The following ACCSL variants were observed in gnomAD, a reference collection of about 807,000 sequenced individuals.
The protein encoded by ACCSL is 1-aminocyclopropane-1-carboxylate synthase homolog (inactive) like.
A neutral mutation model predicts 61.7 loss-of-function variants in ACCSL; 55 were observed. That is an observed-to-expected ratio of 0.89 (90% CI 0.72 to 1.12). ACCSL has a LOEUF of 1.12. ACCSL is among the 50% of genes most tolerant of loss of function. The pLI is 0.00. For missense variants in ACCSL, 632 were observed against 698.0 expected (o/e 0.91, Z 1.07); for synonymous variants, 258 against 264.3 (o/e 0.98, Z 0.23).
the ACCSL span, among the ~76,000 whole-genome samples, chr11:43,935,261 T>C: frequency 0.97 from 148,317 of 152,244 alleles, 72,331 homozygotes; most frequent in Non-Finnish European, 1. Context: ...CACACACGCA[T>C]ACACACATGT....
At chr11:44,023,349 G>A in the ACCSL span, among the ~76,000 whole-genome samples, 3 of 151,984 alleles carry the variant, frequency 2.0e-5, no homozygotes, top group Non-Finnish European at 2.9e-5. Context: ...CACCACACCC[G>A]ACCTAGATCT....
chr11:44,008,817 A>G, the ACCSL span, among the ~76,000 whole-genome samples: 1 of 152,206 alleles, frequency 6.6e-6, no homozygotes, highest in East Asian at 1.9e-4. Flanking sequence ...TCATCTCCTG[A>G]CAACTCTCAG....
the ACCSL span, chr11:43,924,926 C>G: frequency 6.3e-6 from 1 of 158,260 alleles, no homozygotes; most frequent in African/African-American, 2.4e-5. Flanking sequence ...AGGGGAGCCC[C>G]ACAGAAGTGT....
the ACCSL span, among the ~76,000 whole-genome samples, chr11:43,996,200 G>A: frequency 1.3e-5 from 2 of 152,228 alleles, no homozygotes; most frequent in Non-Finnish European, 2.9e-5. Context: ...CTAGAACTGT[G>A]AGAGGATAAA....
the ACCSL span, among the ~76,000 whole-genome samples, chr11:43,930,873 A>G: frequency 6.6e-6 from 1 of 152,284 alleles, no homozygotes; most frequent in Admixed American, 6.5e-5. Flanking sequence ...ACAATACTGT[A>G]TGTACTGTAT....
chr11:44,042,573 C>T, the ACCSL span, among the ~76,000 whole-genome samples: 1 of 151,870 alleles, frequency 6.6e-6, no homozygotes, highest in Non-Finnish European at 1.5e-5. Flanking sequence ...TTGCCTCAGC[C>T]TCCCAAATGT....
chr11:43,945,392 C>A, the ACCSL span: 1 of 152,318 alleles, frequency 6.6e-6, no homozygotes, highest in Non-Finnish European at 1.5e-5. Flanking sequence ...GGGCGGACTC[C>A]ACATCCTGTG....
the ACCSL span, chr11:43,943,852 G>A: frequency 1.6e-6 from 2 of 1,279,552 alleles, no homozygotes. The surrounding 1 kb of genome is among the most constrained non-coding windows in gnomAD (Gnocchi z 4.8). Context: ...CCTGAAAGGA[G>A]ACAAATAAAG....
chr11:43,975,019 G>A, the ACCSL span, among the ~76,000 whole-genome samples: 1 of 152,218 alleles, frequency 6.6e-6, no homozygotes, highest in Non-Finnish European at 1.5e-5. Flanking sequence ...GGTACCAGGA[G>A]TGGGGTGTTA....
At chr11:43,948,197 G>T in the ACCSL span, among the ~76,000 whole-genome samples, 1 of 152,158 alleles carries the variant, frequency 6.6e-6, no homozygotes, top group African/African-American at 2.4e-5. Flanking sequence ...TAGAGGGAAG[G>T]GCTGCCCATG....
At chr11:43,940,418 C>G in the ACCSL span, among the ~76,000 whole-genome samples, 3 of 151,172 alleles carry the variant, frequency 2.0e-5, no homozygotes, top group Non-Finnish European at 4.4e-5. Context: ...TGCAGTGGCG[C>G]AATCTCGGCT....
Position 44,051,088 on chromosome 11 carries a change from G to A in ACCSL, c.636-247G>A, listed in dbSNP as rs569272590. Reference sequence around the variant, plus strand: ...GATCTCCTGACCTTGTGATCCACCCGCCTTGGCCTCCCAAAGTGCTGGGAT... The same window carrying A: ...GATCTCCTGACCTTGTGATCCACCCACCTTGGCCTCCCAAAGTGCTGGGAT... On this transcript the variant is annotated intron_variant, in intron 3 of 13. Coordinates refer to ENST00000378832, the MANE Select transcript of ACCSL (RefSeq NM_001031854.2). 1.1e-4 allele frequency among the ~76,000 whole-genome samples: 16 copies of A among 152,206 alleles called. No individual in the cohort carries two copies. The East Asian group carries it at 1.7e-3, about 17-fold the overall frequency.
At chr11:44,049,263 T>C (rs1364221244) in intron 1 of ACCSL, among the ~76,000 whole-genome samples, 1 of 151,238 alleles carries the variant, frequency 6.6e-6, no homozygotes. Context: ...CTACAAAAAA[T>C]ACAAAAACTA....
At chr11:43,991,615 GA>G in the ACCSL span, among the ~76,000 whole-genome samples, 1 of 152,128 alleles carries the variant, frequency 6.6e-6, no homozygotes, top group Non-Finnish European at 1.5e-5. Flanking sequence ...CCAACATGGC[GA>G]AACCCCATCT....
At chr11:43,986,956 A>G in the ACCSL span, among the ~76,000 whole-genome samples, 22,568 of 152,160 alleles carry the variant, frequency 0.15, 1,744 homozygotes, top group African/African-American at 0.19. Flanking sequence ...CCTTAGAAAG[A>G]GCCAGAGACA....
the ACCSL span, among the ~76,000 whole-genome samples, chr11:43,975,853 C>T: frequency 6.6e-6 from 1 of 152,192 alleles, no homozygotes; most frequent in African/African-American, 2.4e-5. Context: ...TGGAGAATCA[C>T]TTCTTGACAG....
the ACCSL span, among the ~76,000 whole-genome samples, chr11:43,927,345 A>G: frequency 6.6e-6 from 1 of 152,162 alleles, no homozygotes; most frequent in African/African-American, 2.4e-5. Context: ...GAATGGAGGG[A>G]GGGAGGTAGG....
chr11:43,988,794 T>C, the ACCSL span, among the ~76,000 whole-genome samples: 3 of 142,234 alleles, frequency 2.1e-5, no homozygotes, highest in African/African-American at 2.6e-5. Context: ...TTCTGTCTGC[T>C]GATTCTCTCT....
the ACCSL span, chr11:43,933,070 C>T: frequency 2.2e-6 from 1 of 455,886 alleles, no homozygotes. Context: ...CTCCAGCTGC[C>T]CTCTTCTCTG....
Sources: gnomAD v4.1 joint callset for allele counts (sites outside exome capture counted in the v4.1 genomes callset) on GRCh38, gnomAD v4.1.1 for gene constraint, Gnocchi (gnomAD v3.1) non-coding constraint, MANE v1.5 for transcripts, NCBI Gene and HGNC (gene_info 2026-07-23, HGNC 2026-07-21) for gene names.